The following MRPS5 variants were observed in gnomAD, a reference collection of about 807,000 sequenced individuals.
MRPS5 encodes the protein small ribosomal subunit protein uS5m.
MRPS5 carries 27 observed loss-of-function variants against 51.9 expected under a neutral mutation model. That is an observed-to-expected ratio of 0.52 (90% CI 0.38 to 0.72). The LOEUF (loss-of-function observed/expected upper bound fraction) is 0.72. Ranked by LOEUF, MRPS5 falls within the 30% of genes least tolerant of loss-of-function variation. The pLI is 0.00. For synonymous variants in MRPS5, 196 were observed against 193.2 expected (o/e 1.01, Z -0.12); for missense variants, 570 against 545.7 (o/e 1.04, Z -0.44).
intron 6 of MRPS5, 81 bp from the exon 7 acceptor site, chr2:95,104,811 G>A: frequency 8.2e-7 from 1 of 1,223,844 alleles, no homozygotes; most frequent in Non-Finnish European, 1.2e-6. Flanking sequence ...CTTCCTTGCA[G>A]GCATACACGG....
chr2:95,113,092 AGGGGT>A (rs918226394), intron 3 of MRPS5, among the ~76,000 whole-genome samples: 27 of 152,120 alleles, frequency 1.8e-4, no homozygotes, highest in Non-Finnish European at 2.9e-5. Context: ...AGTCCGAGGC[AGGGGT>A]GGGACAACCA....
intron 10 of MRPS5, among the ~76,000 whole-genome samples, chr2:95,096,847 C>A (rs984836805): frequency 6.6e-6 from 1 of 151,924 alleles, no homozygotes; most frequent in Non-Finnish European, 1.5e-5. Flanking sequence ...AGGGCAACCA[C>A]GCAAGAGAAA....
Position 95,087,455 on chromosome 2 carries a change from C to A in MRPS5, c.1195G>T (p.Asp399Tyr), listed in dbSNP as rs551219520. Residue 399 changes from aspartate to tyrosine, a missense_variant, in exon 12 of 12, where the codon GAT becomes TAT. Transcript: ENST00000272418. ...TCCAGTTTGACGTCTGGAACCTCAT[C>A]TTCTGGCTCTGGATCCTTCCTCAAG... Reference protein sequence around the residue: ...GPLRKDPEPEDEVPDVKLDWE... With the variant: ...GPLRKDPEPEYEVPDVKLDWE... The A allele has an allele frequency of 4.5e-4, 720 of 1,614,198 alleles. 11 individuals are homozygous for A. The South Asian group carries it at 7.6e-3, about 17-fold the overall frequency.
rs539676300 is a variant in MRPS5 at position 95,088,883 on chromosome 2, A to G, written c.1069-1302T>C. On this transcript the variant is annotated intron_variant, in intron 11 of 11. Coordinates refer to ENST00000272418, the MANE Select transcript of MRPS5 (RefSeq NM_031902.5). ...GGAGTTCAAGACCAGCCTGACCAACATGGTGAAACCCCATCTCTATTAAAA... is the reference window on the plus strand; with the variant it reads ...GGAGTTCAAGACCAGCCTGACCAACGTGGTGAAACCCCATCTCTATTAAAA... Among the ~76,000 whole-genome samples the G allele has an allele frequency of 1.1e-4, 17 of 152,342 alleles. No homozygotes were observed. In the South Asian group the frequency reaches 3.3e-3, roughly 30 times the overall value.
At chr2:95,120,177 G>A (rs1438571468) in intron 1 of MRPS5, among the ~76,000 whole-genome samples, 3 of 152,124 alleles carry the variant, frequency 2.0e-5, no homozygotes, top group African/African-American at 7.2e-5. Context: ...AGCAAAATAG[G>A]CCTAAGAGCC....
intron 3 of MRPS5, among the ~76,000 whole-genome samples, chr2:95,111,302 T>A (rs1365988152): frequency 2.6e-5 from 4 of 152,218 alleles, no homozygotes; most frequent in Non-Finnish European, 5.9e-5. Context: ...TTTTTCTCTC[T>A]AAGTGCTAAA....
intron 2 of MRPS5, among the ~76,000 whole-genome samples, chr2:95,117,166 C>T (rs897562444): frequency 6.7e-6 from 1 of 149,738 alleles, no homozygotes; most frequent in African/African-American, 2.5e-5. Flanking sequence ...AAAAAAGAAA[C>T]ACAGTCTGAC....
chr2:95,120,545 T>C (rs1377523363), intron 1 of MRPS5, among the ~76,000 whole-genome samples: 5 of 152,184 alleles, frequency 3.3e-5, no homozygotes, highest in Admixed American at 6.5e-5. Context: ...ACCACTGAAA[T>C]GTACACTTTA....
chr2:95,109,762 G>A (rs984502049), intron 4 of MRPS5, among the ~76,000 whole-genome samples, 154 bp downstream of exon 4: 4 of 152,108 alleles, frequency 2.6e-5, no homozygotes, highest in African/African-American at 9.7e-5. Context: ...CAGAATCCTG[G>A]GGCAATGAGT....
Position 95,110,054 on chromosome 2 carries a change from AGG to A in MRPS5, c.278-15_278-14del, listed in dbSNP as rs1350249202. The A allele has an allele frequency of 2.5e-6, 4 of 1,602,300 alleles. No homozygotes were observed. The South Asian group carries it at 4.6e-5, about 18-fold the overall frequency. The stretch of plus-strand genomic sequence containing the variant: ...TCATCTGCAGTCACTGTAACGAAAC[AGG>A]GTTTCTTTTCTTAATTCTGTAGTTT... On this transcript the variant is annotated splice_polypyrimidine_tract_variant and intron_variant, in intron 3 of 11. Coordinates refer to ENST00000272418, the MANE Select transcript of MRPS5 (RefSeq NM_031902.5).
intron 10 of MRPS5, among the ~76,000 whole-genome samples, chr2:95,097,645 T>C (rs1475059854): frequency 2.6e-5 from 4 of 152,234 alleles, no homozygotes; most frequent in African/African-American, 9.6e-5. Flanking sequence ...TGGCTAGCCA[T>C]ATGTAGAAAG....
chr2:95,100,880 T>C lies in MRPS5; in HGVS notation c.825A>G (p.Ala275=), dbSNP rs1180884392. ...GTTCTATATAATGCAAATGGTGAAC[T>C]GCTCTGTTCTTTGCCTGAAAGGAAA... ...MDAFRKAKNR[A]VHHLHYIERY... is the part of the protein sequence containing the mutation. Residue 275 remains alanine, a synonymous_variant, in exon 9 of 12, where the codon GCA becomes GCG. Transcript: ENST00000272418. 1.2e-6 allele frequency: 2 copies of C among 1,609,280 alleles called. No individual in the cohort carries two copies. Among genetic ancestry groups the C allele is most frequent in the Admixed American group, 3.4e-5 (2 of 59,466 alleles).
intron 3 of MRPS5, among the ~76,000 whole-genome samples, chr2:95,112,211 C>T (rs536218045): frequency 2.6e-5 from 4 of 152,030 alleles, no homozygotes; most frequent in Non-Finnish European, 5.9e-5. Flanking sequence ...ATTACAGGTG[C>T]CTGCCACCAC....
chr2:95,090,124 CCGGGATCCCGCCA>C (rs1274569904), intron 11 of MRPS5, among the ~76,000 whole-genome samples: 2 of 146,470 alleles, frequency 1.4e-5, no homozygotes, highest in East Asian at 4.0e-4. Context: ...TTGCAGTGAG[CCGGGATCCCGCCA>C]CTGCACTCCA....
At position 95,121,741 on chromosome 2, in the gene MRPS5, C is replaced by G; in HGVS notation, c.51G>C (p.Gly17=). Residue 17 remains glycine (G), a synonymous_variant, in exon 1 of 12, where the codon GGG becomes GGC. Coordinates refer to ENST00000272418, the MANE Select transcript of MRPS5 (RefSeq NM_031902.5). ...AVGCLPVLCS[G]TAGHLLGRQC... ...CGGCGTCCCAGCTCTCACCTGCCGT[C>G]CCGCTACACAGCACGGGGAGGCAGC... 1 of 1,549,578 alleles carries G rather than the reference C, an allele frequency of 6.5e-7. No homozygotes were observed. Among genetic ancestry groups the G allele is most frequent in the Non-Finnish European group, 8.6e-7 (1 of 1,156,378 alleles).
chr2:95,096,639 C>T (rs1675635368), intron 10 of MRPS5, among the ~76,000 whole-genome samples: 1 of 152,108 alleles, frequency 6.6e-6, no homozygotes, highest in Non-Finnish European at 1.5e-5. Flanking sequence ...AATTCAACAG[C>T]CCTTCATGCT....
At chr2:95,090,625 T>A in intron 10 of MRPS5, 103 bp from the exon 11 acceptor site, 1 of 1,364,478 alleles carries the variant, frequency 7.3e-7, no homozygotes, top group Non-Finnish European at 1.0e-6. Flanking sequence ...TTCGGGAAAC[T>A]GGTTCATATT....
intron 10 of MRPS5, among the ~76,000 whole-genome samples, chr2:95,094,310 T>G (rs933244407): frequency 2.6e-5 from 4 of 152,172 alleles, no homozygotes; most frequent in African/African-American, 9.7e-5. Flanking sequence ...AAAACACTCT[T>G]CAGGATATCA....
At chr2:95,121,221 T>C (rs1455325086) in intron 1 of MRPS5, among the ~76,000 whole-genome samples, 2 of 152,230 alleles carry the variant, frequency 1.3e-5, no homozygotes, top group African/African-American at 4.8e-5. Context: ...GGTCAAAGAT[T>C]GCAGCTAAAT....
Sources: gnomAD v4.1 joint callset for allele counts (sites outside exome capture counted in the v4.1 genomes callset) on GRCh38, gnomAD v4.1.1 for gene constraint, MANE v1.5 for transcripts, NCBI Gene and HGNC (gene_info 2026-07-23, HGNC 2026-07-21) for gene names.